The following CDC42BPA variants were observed in gnomAD, a reference collection of about 807,000 sequenced individuals.
CDC42BPA encodes the protein CDC42 binding protein kinase alpha.
In CDC42BPA, 80 loss-of-function variants were observed where a neutral mutation model predicts 223.5. The observed-to-expected ratio is 0.36, with a 90% CI of 0.30 to 0.43. The LOEUF (loss-of-function observed/expected upper bound fraction) is 0.43, where lower values mean the gene tolerates loss of function less well. Ranked by LOEUF, CDC42BPA falls within the 20% of genes least tolerant of loss-of-function variation. The pLI, the probability that CDC42BPA is intolerant of heterozygous loss-of-function variation, is 1.00. For synonymous variants in CDC42BPA, 694 were observed against 718.6 expected, an observed-to-expected ratio of 0.97 and a Z score of 0.55; for missense variants, 1,743 against 2,099.9, an observed-to-expected ratio of 0.83 and a Z score of 3.32.
intron 5 of CDC42BPA, among the ~76,000 whole-genome samples, chr1:227,188,884 T>C (rs1452308781): frequency 6.6e-6 from 1 of 152,106 alleles, no homozygotes; most frequent in East Asian, 1.9e-4. Context: ...TCATTGATGT[T>C]AACAAATGTG....
At chr1:227,017,416 G>A (rs78633259) in intron 32 of CDC42BPA, among the ~76,000 whole-genome samples, 3,131 of 152,108 alleles carry the variant, frequency 0.021, 120 homozygotes, top group African/African-American at 0.072. Context: ...AATGGCTTAG[G>A]GTGTTGTTAA....
chr1:227,286,103 G>C (rs1688759815), intron 1 of CDC42BPA, among the ~76,000 whole-genome samples: 1 of 152,194 alleles, frequency 6.6e-6, no homozygotes, highest in Admixed American at 6.5e-5. Flanking sequence ...TCTCTAGCAA[G>C]TGGTTGCTCC....
chr1:227,143,911 T>G (rs909679912), intron 8 of CDC42BPA, among the ~76,000 whole-genome samples: 1 of 152,338 alleles, frequency 6.6e-6, no homozygotes, highest in Admixed American at 6.5e-5. Context: ...TACTATGTAT[T>G]TAATTTGGAA....
rs1255853712 is a variant in CDC42BPA, at chr1:227,126,519, G to GGAAGGAAGGAA, written c.1513+2589_1513+2590insTTCCTTCCTTC. 9.9e-5 allele frequency among the ~76,000 whole-genome samples: 8 copies of GGAAGGAAGGAA among 80,772 alleles called. 1 individual carries two copies. The highest frequency in any genetic ancestry group is 3.8e-4 in the African/African-American group (8 of 21,168). 53.0% of individuals were successfully genotyped at this position (80,772 alleles called of 152,430 possible). On this transcript the variant is annotated intron_variant, in intron 11 of 36. Coordinates refer to ENST00000366766, the MANE Select transcript of CDC42BPA (RefSeq NM_001394014.1). ...AGGAAGGAAGGAAGGAAGGAAGGAA[G>GGAAGGAAGGAA]GTAAGAAAGGAAAAAGAAGAAAAAA...
At chr1:227,185,946 G>A (rs1558704386) in intron 5 of CDC42BPA, among the ~76,000 whole-genome samples, 3 of 152,150 alleles carry the variant, frequency 2.0e-5, no homozygotes, top group African/African-American at 7.2e-5. Flanking sequence ...TGAACAAACT[G>A]AAAAATCAAC....
At chr1:227,275,202 C>T (rs1372704690) in intron 1 of CDC42BPA, among the ~76,000 whole-genome samples, 1 of 141,568 alleles carries the variant, frequency 7.1e-6, no homozygotes, top group Non-Finnish European at 1.5e-5. Context: ...GAAATTAAGA[C>T]ATAACTCTAA....
At chr1:227,052,017 C>G (rs1479050170) in intron 21 of CDC42BPA, 32 bp from the exon 22 acceptor site, 32 of 1,286,102 alleles carry the variant, frequency 2.5e-5, no homozygotes, top group African/African-American at 3.0e-5. Context: ...AATAAAAACC[C>G]AAAAAATCAC....
At chr1:227,155,506 T>C (rs1662582208) in intron 6 of CDC42BPA, among the ~76,000 whole-genome samples, 1 of 152,058 alleles carries the variant, frequency 6.6e-6, no homozygotes, top group South Asian at 2.1e-4. Flanking sequence ...CGATGAAAGG[T>C]AGTCCTAGGA....
intron 1 of CDC42BPA, among the ~76,000 whole-genome samples, chr1:227,258,377 C>T (rs1239245289): frequency 6.6e-6 from 1 of 150,648 alleles, no homozygotes; most frequent in Non-Finnish European, 1.5e-5. Flanking sequence ...GCAGAGCTGA[C>T]ACTTCAGGTA....
intron 5 of CDC42BPA, among the ~76,000 whole-genome samples, chr1:227,163,132 A>G (rs112601111): frequency 0.013 from 980 of 73,010 alleles, 11 homozygotes; most frequent in African/African-American, 0.048. Context: ...TTCCAAACAT[A>G]TGTGTGTGTA....
intron 5 of CDC42BPA, among the ~76,000 whole-genome samples, chr1:227,168,097 G>A (rs1007447918): frequency 6.6e-6 from 1 of 151,814 alleles, no homozygotes; most frequent in Admixed American, 6.6e-5. Flanking sequence ...GGCTAATTTT[G>A]TATTTTTAGT....
intron 12 of CDC42BPA, among the ~76,000 whole-genome samples, chr1:227,114,892 T>C (rs996600789): frequency 6.9e-6 from 1 of 145,100 alleles, no homozygotes; most frequent in South Asian, 2.1e-4. Context: ...TGGGAAATAG[T>C]TTTAGGATAT....
chr1:227,051,296 T>C (rs1396557537), intron 22 of CDC42BPA, among the ~76,000 whole-genome samples: 1 of 152,236 alleles, frequency 6.6e-6, no homozygotes, highest in Non-Finnish European at 1.5e-5. Flanking sequence ...CAGCATTCTT[T>C]TGACTTGTGG....
intron 2 of CDC42BPA, among the ~76,000 whole-genome samples, chr1:227,236,975 C>T (rs1054658193): frequency 1.5e-5 from 2 of 136,558 alleles, no homozygotes; most frequent in Non-Finnish European, 3.0e-5. Context: ...CTCAAGAGGT[C>T]GAGGCTACAG....
intron 1 of CDC42BPA, among the ~76,000 whole-genome samples, chr1:227,313,731 C>A (rs1394872873): frequency 6.6e-6 from 1 of 151,022 alleles, no homozygotes. Context: ...TCCATCAACA[C>A]CTCACTTAAT....
intron 1 of CDC42BPA, among the ~76,000 whole-genome samples, chr1:227,287,476 C>A (rs927069201): frequency 1.3e-5 from 2 of 152,134 alleles, no homozygotes; most frequent in South Asian, 4.1e-4. Context: ...ATTAATAATT[C>A]AATTAAAATA....
At chr1:227,136,450 T>A (rs2149580392) in intron 10 of CDC42BPA, among the ~76,000 whole-genome samples, 1 of 152,278 alleles carries the variant, frequency 6.6e-6, no homozygotes, top group South Asian at 2.1e-4. Context: ...GAGGAGAAAG[T>A]GCATGAGGCA....
intron 35 of CDC42BPA, 53 bp downstream of exon 35, chr1:227,004,941 G>A: frequency 8.5e-7 from 1 of 1,175,624 alleles, no homozygotes; most frequent in South Asian, 1.2e-5. Context: ...GGAGGGGAGG[G>A]AGCTGGGGGT....
chr1:227,179,659 A>AAAAAAAAAAG (rs1216438998), intron 5 of CDC42BPA, among the ~76,000 whole-genome samples: 1 of 146,890 alleles, frequency 6.8e-6, no homozygotes, highest in African/African-American at 2.6e-5. Context: ...AAAAAAAAAA[A>AAAAAAAAAAG]AGCTATTTTA....
Sources: allele counts gnomAD v4.1 joint callset (sites outside exome capture counted in the v4.1 genomes callset), GRCh38; gene constraint gnomAD v4.1.1; transcripts MANE v1.5; gene names NCBI Gene and HGNC (gene_info 2026-07-23, HGNC 2026-07-21).